RP1: variants seen among roughly 807,000 people sequenced by gnomAD.
RP1 encodes RP1 axonemal microtubule associated.
In RP1, 16 loss-of-function variants were observed where a neutral mutation model predicts 14.8. The ratio of observed to expected loss-of-function variants is 1.08; its 90% CI spans 0.73 to 1.65. The LOEUF is 1.65. RP1 is among the 40% of genes most tolerant of loss of function. The pLI is 0.00. For synonymous variants in RP1, 876 were observed against 883.6 expected, an observed-to-expected ratio of 0.99 and a Z score of 0.15; for missense variants, 2,631 against 2,535.0, an observed-to-expected ratio of 1.04 and a Z score of -0.81.
chr8:54,807,666 C>A (rs1472128371), intron 24 of RP1, among the ~76,000 whole-genome samples: 2 of 58,572 alleles, frequency 3.4e-5, no homozygotes, highest in Non-Finnish European at 6.6e-5. Context: ...ATCTATCTAT[C>A]TATCTATCTA....
At chr8:54,674,569 T>G (rs1215225839) in intron 8 of RP1, among the ~76,000 whole-genome samples, 1 of 150,538 alleles carries the variant, frequency 6.6e-6, no homozygotes, top group Non-Finnish European at 1.5e-5. Context: ...ATAAACTTTC[T>G]TATTAAAAAG....
chr8:54,734,798 T>A, intron 18 of RP1: 1 of 1,444,518 alleles, frequency 6.9e-7, no homozygotes, highest in South Asian at 1.4e-5. Context: ...GACATTTCTG[T>A]AATGTAGAAG....
At chr8:54,783,852 C>A in intron 24 of RP1, 1 of 468,494 alleles carries the variant, frequency 2.1e-6, no homozygotes, top group Non-Finnish European at 3.4e-6. Context: ...CATGTTTTAT[C>A]CCATGGGAGC....
chr8:54,787,703 A>G (rs1420779406), intron 24 of RP1, among the ~76,000 whole-genome samples: 1 of 152,208 alleles, frequency 6.6e-6, no homozygotes, highest in Non-Finnish European at 1.5e-5. Context: ...TATGAAGTCA[A>G]TTAATTTTGT....
At chr8:54,793,386 T>A (rs931897270) in intron 24 of RP1, among the ~76,000 whole-genome samples, 9 of 152,008 alleles carry the variant, frequency 5.9e-5, no homozygotes, top group Admixed American at 3.9e-4. Flanking sequence ...AAGAGAAAAT[T>A]ACAGGACAAT....
At chr8:54,614,846 A>C (rs387287), upstream of RP1, among the ~76,000 whole-genome samples, 33,254 of 152,140 alleles carry the variant, frequency 0.22, 4,229 homozygotes, top group East Asian at 0.46. Flanking sequence ...CCTCACTGGC[A>C]GAAATACTTT....
intron 12 of RP1, chr8:54,697,159 A>T (rs1344720879): frequency 1.2e-6 from 1 of 853,896 alleles, no homozygotes; most frequent in African/African-American, 1.7e-5. Context: ...CATTTTTATC[A>T]ATGAAGTGGA....
chr8:54,784,389 CAT>C (rs751587394), intron 24 of RP1, among the ~76,000 whole-genome samples: 9 of 152,108 alleles, frequency 5.9e-5, no homozygotes, highest in Non-Finnish European at 1.2e-4. Flanking sequence ...ATGGCCATTA[CAT>C]AGTCTTCTAA....
intron 27 of RP1, among the ~76,000 whole-genome samples, chr8:54,865,010 T>A (rs542381038): frequency 1.6e-3 from 251 of 152,270 alleles, no homozygotes; most frequent in Middle Eastern, 0.01. Context: ...TTTATGGCTT[T>A]TTTTGCTGTC....
chr8:54,601,022 G>A (rs528508595), intron 1 of RP1, among the ~76,000 whole-genome samples: 2 of 152,252 alleles, frequency 1.3e-5, no homozygotes, highest in Non-Finnish European at 2.9e-5. Flanking sequence ...TACTTAGTGA[G>A]AGGAATAGGG....
intron 19 of RP1, among the ~76,000 whole-genome samples, chr8:54,744,403 G>T (rs1029696839): frequency 6.6e-6 from 1 of 152,158 alleles, no homozygotes; most frequent in Non-Finnish European, 1.5e-5. Context: ...CCGAAGGGAA[G>T]GTTATGAAAT....
chr8:54,750,846 T>C (rs907099453), intron 19 of RP1, among the ~76,000 whole-genome samples: 3 of 152,168 alleles, frequency 2.0e-5, no homozygotes, highest in African/African-American at 7.2e-5. Flanking sequence ...TCAGCAGGAC[T>C]CTGAAAGCCA....
At chr8:54,834,667 C>T (rs1554538265) in intron 24 of RP1, among the ~76,000 whole-genome samples, 1 of 139,104 alleles carries the variant, frequency 7.2e-6, no homozygotes, top group Non-Finnish European at 1.6e-5. Context: ...ATTGTCTATG[C>T]TTTGGGAGTT....
At position 54,760,914 on chromosome 8, in the gene RP1, C is replaced by G. The variant is rs1809622778; in HGVS notation, c.3248+1838C>G. On this transcript the variant is annotated intron_variant, in intron 22 of 22. Transcript: ENST00000636932. ...AATGTGTACTCAGAACTTAGCACAG[C>G]ACAGGCACCCCCATCTGATGAGTAA... 3.3e-5 allele frequency among the ~76,000 whole-genome samples: 5 copies of G among 152,140 alleles called. No homozygotes were observed. The South Asian group carries it at 1.0e-3, about 32-fold the overall frequency.
chr8:54,690,523 C>T (rs1807685910), intron 12 of RP1, among the ~76,000 whole-genome samples: 1 of 151,926 alleles, frequency 6.6e-6, no homozygotes, highest in African/African-American at 2.4e-5. Context: ...TCTGGTTCAG[C>T]CCCCTTTACT....
intron 1 of RP1, among the ~76,000 whole-genome samples, chr8:54,581,253 G>A (rs1480304920): frequency 6.6e-6 from 1 of 151,918 alleles, no homozygotes; most frequent in Non-Finnish European, 1.5e-5. Context: ...AGAAGATGTG[G>A]TGTTTGGTTT....
intron 1 of RP1, among the ~76,000 whole-genome samples, chr8:54,574,907 G>A (rs1379534887): frequency 6.6e-6 from 1 of 152,120 alleles, no homozygotes; most frequent in Non-Finnish European, 1.5e-5. Flanking sequence ...CCCTCCTGCT[G>A]AGAGTTTGAA....
chr8:54,650,668 G>A (rs1417678241), intron 4 of RP1, among the ~76,000 whole-genome samples: 7 of 62,104 alleles, frequency 1.1e-4, no homozygotes, highest in Admixed American at 2.0e-4. Flanking sequence ...CCCCTCCCCC[G>A]TCTACCTCCC....
At chr8:54,780,179 A>G (rs1810149682) in intron 23 of RP1, among the ~76,000 whole-genome samples, 2 of 152,248 alleles carry the variant, frequency 1.3e-5, no homozygotes, top group African/African-American at 2.4e-5. Context: ...ACACCCATGT[A>G]CAATACATAA....
Sources: allele counts gnomAD v4.1 joint callset (sites outside exome capture counted in the v4.1 genomes callset), GRCh38; gene constraint gnomAD v4.1.1; transcripts MANE v1.5; gene names NCBI Gene and HGNC (gene_info 2026-07-23, HGNC 2026-07-21).